The following TRPM4 variants were observed in gnomAD, a reference collection of about 807,000 sequenced individuals.
TRPM4 encodes transient receptor potential cation channel subfamily M member 4.
TRPM4 carries 124 observed loss-of-function variants against 135.6 expected under a neutral mutation model. The observed-to-expected ratio is 0.91, with a 90% CI of 0.79 to 1.06. TRPM4 has a LOEUF of 1.06. TRPM4 is among the 50% of genes least tolerant of loss of function. The probability of loss-of-function intolerance (pLI) is 0.00; values close to 1 mark genes in which losing one functional copy is unlikely to be tolerated. For synonymous variants in TRPM4, 745 were observed against 705.6 expected (o/e 1.06, Z -0.88); for missense variants, 1,658 against 1,671.4 (o/e 0.99, Z 0.14).
intron 2 of TRPM4, among the ~76,000 whole-genome samples, chr19:49,160,497 A>AAAAG (rs1452743391): frequency 1.6e-3 from 247 of 151,500 alleles, no homozygotes; most frequent in African/African-American, 5.1e-3. Context: ...AAAAAAAAAA[A>AAAAG]AAAGAAAGAA....
chr19:49,204,697 T>A (rs907735862), intron 20 of TRPM4, among the ~76,000 whole-genome samples: 1 of 151,166 alleles, frequency 6.6e-6, no homozygotes, highest in Admixed American at 6.6e-5. Context: ...ACCTGGCTTG[T>A]TTTTTTAATT....
At chr19:49,160,599 G>C (rs778723939) in intron 2 of TRPM4, among the ~76,000 whole-genome samples, 1 of 152,194 alleles carries the variant, frequency 6.6e-6, no homozygotes, top group Non-Finnish European at 1.5e-5. Flanking sequence ...TCAGGGTGCA[G>C]GGAGCACTGT....
intron 2 of TRPM4, among the ~76,000 whole-genome samples, chr19:49,161,793 C>T (rs1468295210): frequency 1.3e-5 from 2 of 152,164 alleles, no homozygotes. Flanking sequence ...TCACGCCTGG[C>T]TAATTTTTGT....
intron 16 of TRPM4, among the ~76,000 whole-genome samples, chr19:49,191,300 G>A (rs1490716465): frequency 1.3e-5 from 2 of 151,314 alleles, no homozygotes; most frequent in Non-Finnish European, 2.9e-5. Context: ...CTGTTTCCTG[G>A]GTTCCTGATC....
At chr19:49,201,865 TG>T (rs1968945177) in intron 19 of TRPM4, 98 bp from the exon 20 acceptor site, 1 of 1,272,944 alleles carries the variant, frequency 7.9e-7, no homozygotes, top group African/African-American at 1.5e-5. Context: ...CTCCCAAAAG[TG>T]CTGGGATTAC....
intron 12 of TRPM4, among the ~76,000 whole-genome samples, chr19:49,186,041 G>A (rs552733776): frequency 5.8e-4 from 89 of 152,254 alleles, no homozygotes; most frequent in African/African-American, 1.9e-3. Context: ...GTGAGCCACC[G>A]CGCCCACCCT....
intron 2 of TRPM4, among the ~76,000 whole-genome samples, chr19:49,162,992 C>T (rs1189565385): frequency 6.6e-6 from 1 of 151,858 alleles, no homozygotes; most frequent in Non-Finnish European, 1.5e-5. Context: ...AAAGTCCTGA[C>T]CTCAGGTGAT....
In TRPM4 at chr19:49,211,295, A is replaced by C; in HGVS notation, c.3640+26A>C. 6.3e-7 allele frequency: 1 copy of C among 1,575,128 alleles called. No homozygotes were observed. Among genetic ancestry groups the C allele is most frequent in the South Asian group, 1.1e-5 (1 of 87,976 alleles). On this transcript the variant is annotated intron_variant, in intron 24 of 24. Transcript: ENST00000252826. This position sits in a 1 kb window ranked among gnomAD's most constrained non-coding sequence, Gnocchi z 4.8. ...GTCAGTGTGTAGCATCAGCCTGTGC[A>C]TCTCCAGCCTCTGTTCCTGTATTTT...
chr19:49,160,212 C>T (rs554445651), intron 2 of TRPM4, among the ~76,000 whole-genome samples: 8 of 152,070 alleles, frequency 5.3e-5, no homozygotes, highest in South Asian at 2.1e-4. Context: ...GATTTGGGGC[C>T]GGGCATTGTG....
chr19:49,202,084 T>C lies in TRPM4; in HGVS notation c.3074T>C (p.Val1025Ala). ...YANWLVVLLL[V>A]IFLLVANILL... Reference sequence around the variant, plus strand: ...AACTGGCTGGTGGTGCTGCTCCTCGTCATCTTCCTGCTCGTGGCCAACATC... The same window carrying C: ...AACTGGCTGGTGGTGCTGCTCCTCGCCATCTTCCTGCTCGTGGCCAACATC... The change falls in exon 20 of 25, where the codon GTC becomes GCC. Residue 1025 changes from valine (V) to alanine (A), a missense_variant. Physicochemically the swap from Val to Ala is moderately conservative, Grantham distance 64 (BLOSUM62 0). Transcript: ENST00000252826. The C allele has an allele frequency of 1.2e-6, 2 of 1,614,128 alleles. No homozygotes were observed. The highest frequency in any genetic ancestry group is 1.7e-6 in the Non-Finnish European group (2 of 1,180,042).
chr19:49,200,603 C>A lies in TRPM4; in HGVS notation c.2779-8C>A. 6.2e-7 allele frequency: 1 copy of A among 1,611,962 alleles called. No individual in the cohort carries two copies. Among genetic ancestry groups the A allele is most frequent in the Non-Finnish European group, 8.5e-7 (1 of 1,179,998 alleles). Reference sequence around the variant, plus strand: ...GGCGGGGCCAGACTCAGCCACATCTCCCCACAGATGAAGGACGTGTTCTTC... The same window carrying A: ...GGCGGGGCCAGACTCAGCCACATCTACCCACAGATGAAGGACGTGTTCTTC... On this transcript the variant is annotated splice_polypyrimidine_tract_variant and splice_region_variant and intron_variant, in intron 18 of 24. Coordinates refer to ENST00000252826, the MANE Select transcript of TRPM4 (RefSeq NM_017636.4).
chr19:49,171,198 A>G lies in TRPM4; in HGVS notation c.797-159A>G, dbSNP rs1056160021. Among the ~76,000 whole-genome samples, 1 of 152,214 alleles carries G rather than the reference A, an allele frequency of 6.6e-6. No individual in the cohort carries two copies. Among genetic ancestry groups the G allele is most frequent in the African/African-American group, 2.4e-5 (1 of 41,452 alleles). ...CAAGACCCCCATTTCTAAAATAAAT[A>G]CATAATTAAGTAAAAAAAGAAATGA... On this transcript the variant is annotated intron_variant, in intron 6 of 24. Coordinates refer to ENST00000252826, the MANE Select transcript of TRPM4 (RefSeq NM_017636.4). This position sits in a 1 kb window ranked among gnomAD's most constrained non-coding sequence, Gnocchi z 4.7.
At chr19:49,167,695 G>A in intron 3 of TRPM4, 1 of 475,318 alleles carries the variant, frequency 2.1e-6, no homozygotes, top group African/African-American at 3.0e-5. Context: ...TCTCTCTCTG[G>A]GTCTCTGTCC....
chr19:49,175,035 C>G (rs970752045), intron 9 of TRPM4, among the ~76,000 whole-genome samples: 3 of 145,456 alleles, frequency 2.1e-5, no homozygotes, highest in Non-Finnish European at 4.5e-5. Context: ...CCACAAGTAG[C>G]TGGGACCACA....
intron 2 of TRPM4, among the ~76,000 whole-genome samples, chr19:49,164,373 T>TG (rs1555750460): frequency 5.1e-4 from 43 of 84,958 alleles, no homozygotes; most frequent in Non-Finnish European, 7.0e-4. Context: ...AGTTTTTTTT[T>TG]TTTTTTTTTT....
chr19:49,200,653 C>A lies in TRPM4; in HGVS notation c.2821C>A (p.Leu941Met), dbSNP rs768785188. The change falls in exon 19 of 25, where the codon CTG (leucine) becomes ATG (methionine). Residue 941 changes from leucine (L) to methionine (M), a missense_variant. Transcript: ENST00000252826. ...FFFLFFLGVW[L>M]VAYGVATEGL... is the part of the protein sequence containing the mutation. ...CTTCCTCTTCTTCCTCGGCGTGTGGCTGGTAGCCTATGGCGTGGCCACGGA... is the reference window on the plus strand; with the variant it reads ...CTTCCTCTTCTTCCTCGGCGTGTGGATGGTAGCCTATGGCGTGGCCACGGA... 24 of 1,613,844 alleles carry A rather than the reference C, an allele frequency of 1.5e-5. No homozygotes were observed. Among genetic ancestry groups the A allele is most frequent in the Non-Finnish European group, 1.9e-5 (22 of 1,180,034 alleles).
chr19:49,183,066 T>G lies in TRPM4; in HGVS notation c.1609-12T>G, dbSNP rs769802074. ...AGGGGCTGGTCCTCACCACCCCTCC[T>G]TTTGCTGGCAGATGTATCTGCTCTC... is the stretch of plus-strand genomic sequence containing the variant. On this transcript the variant is annotated splice_polypyrimidine_tract_variant and intron_variant, in intron 11 of 24. Transcript: ENST00000252826. 21 of 1,610,932 alleles carry G rather than the reference T, an allele frequency of 1.3e-5. No individual in the cohort carries two copies. Among genetic ancestry groups the G allele is most frequent in the Admixed American group, 3.3e-5 (2 of 59,982 alleles).
chr19:49,186,772 C>T (rs1273312636), intron 12 of TRPM4, among the ~76,000 whole-genome samples: 1 of 151,696 alleles, frequency 6.6e-6, no homozygotes, highest in East Asian at 1.9e-4. Context: ...ACTCGGGAGG[C>T]TGAGGCAGGA....
rs1254037600 is a variant in TRPM4 at position 49,181,477 on chromosome 19, C to A, written c.1263+16C>A. 4 of 1,581,232 alleles carry A rather than the reference C, an allele frequency of 2.5e-6. No homozygotes were observed. Among genetic ancestry groups the A allele is most frequent in the Non-Finnish European group, 3.5e-6 (4 of 1,153,466 alleles). On this transcript the variant is annotated intron_variant, in intron 10 of 24. Coordinates refer to ENST00000252826, the MANE Select transcript of TRPM4 (RefSeq NM_017636.4). ...CCAATGGCGGGTGAGGGGTCAGGGC[C>A]TGGGGGTTGGGCATACTGACAAAGG... is the stretch of plus-strand genomic sequence containing the variant.
Sources: allele counts gnomAD v4.1 joint callset (sites outside exome capture counted in the v4.1 genomes callset), GRCh38; gene constraint gnomAD v4.1.1; non-coding constraint Gnocchi (gnomAD v3.1); transcripts MANE v1.5; gene names NCBI Gene and HGNC (gene_info 2026-07-23, HGNC 2026-07-21).